The following PDE11A variants were observed in gnomAD, a reference collection of about 807,000 sequenced individuals.
PDE11A encodes the protein dual 3',5'-cyclic-AMP and -GMP phosphodiesterase 11A.
A neutral mutation model predicts 100.5 loss-of-function variants in PDE11A; 100 were observed. The ratio of observed to expected loss-of-function variants is 1.00; its 90% CI spans 0.85 to 1.18. The LOEUF (loss-of-function observed/expected upper bound fraction) is 1.18. Among genes scored for constraint, PDE11A ranks in the 50% most tolerant of loss-of-function variants. PDE11A has a pLI of 0.00. For synonymous variants in PDE11A, 381 were observed against 420.8 expected (o/e 0.91, Z 1.16); for missense variants, 1,141 against 1,152.6 (o/e 0.99, Z 0.15).
In PDE11A at chr2:177,624,525, C is replaced by T. The variant is rs2079805410; in HGVS notation, c.*4882G>A. ...AAATTTTGATACACAGAAAAAGCAA[C>T]TGGATTCTGGCAGCATTAATATTAG... On this transcript the variant is annotated 3_prime_UTR_variant, in exon 20 of 20. Transcript: ENST00000286063. 6.6e-6 allele frequency: 1 copy of T among 152,074 alleles called. No homozygotes were observed. Among genetic ancestry groups the T allele is most frequent in the Non-Finnish European group, 1.5e-5 (1 of 67,996 alleles). The allele number at this position is 152,074 out of a possible 1,614,324, so 9.4% of individuals were successfully genotyped here.
chr2:177,785,370 T>A lies in PDE11A; in HGVS notation c.1738-15997A>T, dbSNP rs118087672. On this transcript the variant is annotated intron_variant, in intron 9 of 19. Coordinates refer to ENST00000286063, the MANE Select transcript of PDE11A (RefSeq NM_016953.4). ...TTGGGCAATCAAATAGCAAGTTATG[T>A]TAGAATAGCGTTTAAAGACAATTCT... Among the ~76,000 whole-genome samples the A allele has an allele frequency of 3.5e-4, 53 of 152,302 alleles. 2 individuals carry two copies. The East Asian group carries it at 0.01, about 29-fold the overall frequency.
chr2:177,716,860 A>C (rs1461419413), intron 12 of PDE11A, among the ~76,000 whole-genome samples: 1 of 152,216 alleles, frequency 6.6e-6, no homozygotes, highest in Non-Finnish European at 1.5e-5. Flanking sequence ...AATAGATTTG[A>C]GATCAAAATC....
chr2:178,028,343 T>C (rs539542889), intron 1 of PDE11A, among the ~76,000 whole-genome samples: 61 of 146,494 alleles, frequency 4.2e-4, no homozygotes, highest in Middle Eastern at 3.6e-3. Flanking sequence ...TCTTGCCCTA[T>C]AATATGAGAG....
At chr2:177,997,747 T>C (rs2086094991) in intron 2 of PDE11A, 1 of 1,445,128 alleles carries the variant, frequency 6.9e-7, no homozygotes, top group Admixed American at 1.7e-5. Context: ...ACATTCCACA[T>C]AACTGAACTG....
At chr2:177,794,766 T>TTTTGTTTG (rs34096798) in intron 9 of PDE11A, among the ~76,000 whole-genome samples, 11 of 72,498 alleles carry the variant, frequency 1.5e-4, no homozygotes, top group African/African-American at 7.4e-4. Context: ...GGTGTCTGGT[T>TTTTGTTTG]TTTGTTTGTT....
At chr2:177,874,852 C>T (rs1310741897) in intron 5 of PDE11A, among the ~76,000 whole-genome samples, 1 of 152,206 alleles carries the variant, frequency 6.6e-6, no homozygotes, top group Non-Finnish European at 1.5e-5. Flanking sequence ...TGCTCCAGTA[C>T]TATTCCATAT....
chr2:178,011,513 G>A (rs568670100), intron 2 of PDE11A, among the ~76,000 whole-genome samples: 2 of 152,286 alleles, frequency 1.3e-5, no homozygotes, highest in Non-Finnish European at 2.9e-5. Flanking sequence ...AGGGGAAGAG[G>A]TGCAGAGCTT....
chr2:177,666,169 C>T (rs975709383), intron 18 of PDE11A, among the ~76,000 whole-genome samples: 1 of 152,210 alleles, frequency 6.6e-6, no homozygotes, highest in African/African-American at 2.4e-5. Context: ...TAAATGCAAT[C>T]TTATGATATG....
chr2:177,846,647 T>C lies in PDE11A; in HGVS notation c.1368-6264A>G, dbSNP rs1405939185. ...ACACAGCCACGTTTAGTTGTGCAGGTTCTGCCTTGCACACGGATGCCCTAT... is the reference window on the plus strand; with the variant it reads ...ACACAGCCACGTTTAGTTGTGCAGGCTCTGCCTTGCACACGGATGCCCTAT... On this transcript the variant is annotated intron_variant, in intron 5 of 19. Transcript: ENST00000286063. Among the ~76,000 whole-genome samples, 7 of 152,338 alleles carry C rather than the reference T, an allele frequency of 4.6e-5. No homozygotes were observed. The East Asian group carries it at 1.3e-3, about 29-fold the overall frequency.
In PDE11A at chr2:177,727,730, G is replaced by GT; in HGVS notation, c.1970dup (p.Asn657LysfsTer49). ...AGTTGTGGTATAGAACCATCCGATA[G>GT]TTTTTCCTCACTGTCAAAAGCCACC... On this transcript the variant is annotated frameshift_variant, in exon 12 of 20. Coordinates refer to ENST00000286063, the MANE Select transcript of PDE11A (RefSeq NM_016953.4). LOFTEE classifies it high-confidence loss of function. 2 of 1,611,456 alleles carry GT rather than the reference G, an allele frequency of 1.2e-6. No individual in the cohort carries two copies. The highest frequency in any genetic ancestry group is 2.2e-5 in the South Asian group (2 of 91,034).
intron 1 of PDE11A, among the ~76,000 whole-genome samples, chr2:178,067,596 C>T (rs1427119510): frequency 1.3e-5 from 2 of 152,206 alleles, no homozygotes; most frequent in Admixed American, 6.5e-5. Context: ...CTATTTATAG[C>T]TGGAATGGTG....
chr2:177,980,002 C>T (rs2085861490), intron 2 of PDE11A, among the ~76,000 whole-genome samples: 1 of 150,498 alleles, frequency 6.6e-6, no homozygotes, highest in African/African-American at 2.4e-5. Context: ...TCAAGATTAT[C>T]TTAATCATCC....
intron 2 of PDE11A, among the ~76,000 whole-genome samples, chr2:178,092,108 A>G (rs2087430558): frequency 6.6e-6 from 1 of 152,230 alleles, no homozygotes; most frequent in Non-Finnish European, 1.5e-5. Context: ...TAAAAAGCAA[A>G]CACATAACCA....
chr2:177,701,030 T>G, intron 14 of PDE11A, 91 bp downstream of exon 14: 2 of 790,760 alleles, frequency 2.5e-6, no homozygotes, highest in Non-Finnish European at 4.6e-6. Flanking sequence ...CTGCTTTGTG[T>G]CTACCTGTGG....
At chr2:178,054,969 A>G (rs1343290635) in intron 1 of PDE11A, among the ~76,000 whole-genome samples, 1 of 152,218 alleles carries the variant, frequency 6.6e-6, no homozygotes, top group Non-Finnish European at 1.5e-5. Flanking sequence ...AACTAGAAAT[A>G]CCATTTGACC....
intron 19 of PDE11A, among the ~76,000 whole-genome samples, chr2:177,659,235 T>A: frequency 7.6e-6 from 1 of 130,916 alleles, no homozygotes; most frequent in Non-Finnish European, 1.5e-5. Flanking sequence ...CACTCCAGCC[T>A]GGGCAACAAG....
chr2:177,980,350 T>C (rs1271567019), intron 2 of PDE11A, among the ~76,000 whole-genome samples: 1 of 151,088 alleles, frequency 6.6e-6, no homozygotes, highest in Non-Finnish European at 1.5e-5. Flanking sequence ...AATTCTTTTT[T>C]AACTGCATCA....
intron 12 of PDE11A, among the ~76,000 whole-genome samples, chr2:177,727,085 C>T (rs1388148882): frequency 6.6e-6 from 1 of 152,070 alleles, no homozygotes; most frequent in Non-Finnish European, 1.5e-5. Context: ...CCCAGCTGCA[C>T]TAGATATCTC....
intron 13 of PDE11A, among the ~76,000 whole-genome samples, chr2:177,701,987 A>G (rs1043454812): frequency 1.3e-5 from 2 of 152,238 alleles, no homozygotes; most frequent in Admixed American, 1.3e-4. Context: ...TATGAGAACA[A>G]TAAAATATTT....
Sources: gnomAD v4.1 joint callset for allele counts (sites outside exome capture counted in the v4.1 genomes callset) on GRCh38, gnomAD v4.1.1 for gene constraint, MANE v1.5 for transcripts, NCBI Gene and HGNC (gene_info 2026-07-23, HGNC 2026-07-21) for gene names.